COL22A1: variants seen among roughly 807,000 people sequenced by gnomAD.
COL22A1 encodes the protein collagen type XXII alpha 1 chain.
A neutral mutation model predicts 248.9 loss-of-function variants in COL22A1; 221 were observed. The observed-to-expected ratio is 0.89, with a 90% CI of 0.80 to 0.99. The LOEUF (loss-of-function observed/expected upper bound fraction) is 0.99. COL22A1 is among the 50% of genes least tolerant of loss of function. COL22A1 has a pLI of 0.00. For synonymous variants in COL22A1, 891 were observed against 793.4 expected (o/e 1.12, Z -2.07); for missense variants, 2,240 against 2,179.0 (o/e 1.03, Z -0.56).
intron 4 of COL22A1, among the ~76,000 whole-genome samples, chr8:138,842,897 TTTA>T (rs888519397): frequency 6.6e-6 from 1 of 151,996 alleles, no homozygotes; most frequent in Non-Finnish European, 1.5e-5. Context: ...GTGCCAGTAG[TTTA>T]TTGGAGAGGT....
intron 3 of COL22A1, among the ~76,000 whole-genome samples, chr8:138,877,013 G>C (rs1044264204): frequency 2.0e-5 from 3 of 152,218 alleles, no homozygotes; most frequent in African/African-American, 7.2e-5. Context: ...CATCCTTCCT[G>C]TCCTGGGGAG....
At chr8:138,799,305 G>T (rs192060945) in intron 11 of COL22A1, among the ~76,000 whole-genome samples, 42 of 152,156 alleles carry the variant, frequency 2.8e-4, no homozygotes, top group African/African-American at 8.2e-4. Flanking sequence ...TGTTAAATCC[G>T]ATATTTGTAT....
At chr8:138,679,773 A>C in intron 39 of COL22A1, 97 bp from the exon 40 acceptor site, 1 of 1,076,062 alleles carries the variant, frequency 9.3e-7, no homozygotes, top group East Asian at 2.4e-5. Context: ...GGATCTATGC[A>C]TCTCTGTATC....
At chr8:138,722,205 G>A (rs1195654656) in intron 25 of COL22A1, 116 bp from the exon 26 acceptor site, 11 of 815,472 alleles carry the variant, frequency 1.3e-5, no homozygotes, top group South Asian at 1.8e-5. Flanking sequence ...AGGCTCGGGC[G>A]TCTGCTCTTT....
In COL22A1 at chr8:138,616,959, C is replaced by A. The variant is rs1168565294; in HGVS notation, c.3826-1G>T. On this transcript the variant is annotated splice_acceptor_variant, in intron 53 of 64. Transcript: ENST00000303045. LOFTEE classifies it high-confidence loss of function. The stretch of plus-strand genomic sequence containing the variant: ...AATCGCCTGTGTGTCCCTTGAAGCC[C>A]TAGAAGGAAGAGAATGGAGTTATTC... The A allele has an allele frequency of 1.2e-6, 2 of 1,614,204 alleles. No homozygotes were observed. The highest frequency in any genetic ancestry group is 1.7e-5 in the Admixed American group (1 of 60,026).
At position 138,847,740 on chromosome 8, in the gene COL22A1, TAGG is replaced by T. The variant is rs1821349859; in HGVS notation, c.659-3585_659-3583del. On this transcript the variant is annotated intron_variant, in intron 3 of 64. Coordinates refer to ENST00000303045, the MANE Select transcript of COL22A1 (RefSeq NM_152888.3). Reference sequence around the variant, plus strand: ...GAAACATAATGTTTGGGGGACTGTCTAGGAGAATGGAGGAAATATCAAACAAGC... The same window carrying T: ...GAAACATAATGTTTGGGGGACTGTCTAGAATGGAGGAAATATCAAACAAGC... Among the ~76,000 whole-genome samples the T allele has an allele frequency of 2.0e-5, 3 of 151,534 alleles. No individual in the cohort carries two copies. In the South Asian group the frequency reaches 6.2e-4, roughly 32 times the overall value.
At chr8:138,908,066 A>G (rs1041954445) in intron 1 of COL22A1, among the ~76,000 whole-genome samples, 2 of 152,178 alleles carry the variant, frequency 1.3e-5, no homozygotes, top group Admixed American at 1.3e-4. Context: ...ACAAAGGCTC[A>G]TTCATGCCAT....
chr8:138,635,259 A>C (rs556617583), intron 48 of COL22A1, among the ~76,000 whole-genome samples, 196 bp from the exon 49 acceptor site: 1 of 152,316 alleles, frequency 6.6e-6, no homozygotes, highest in South Asian at 2.1e-4. Context: ...AAAAACAAAC[A>C]TGTCCTGAAA....
At chr8:138,819,594 CAT>C (rs1227401899) in intron 7 of COL22A1, among the ~76,000 whole-genome samples, 3 of 147,690 alleles carry the variant, frequency 2.0e-5, no homozygotes, top group Non-Finnish European at 3.0e-5. Context: ...ATAATGTTCA[CAT>C]GTTTATATAT....
chr8:138,676,729 TGCA>T, intron 40 of COL22A1, 94 bp from the exon 41 acceptor site: 2 of 949,248 alleles, frequency 2.1e-6, no homozygotes, highest in Non-Finnish European at 3.2e-6. Flanking sequence ...GAATCCTGAC[TGCA>T]GGCTTCTCCT....
chr8:138,614,030 C>T (rs1819116337), intron 55 of COL22A1, 110 bp from the exon 56 acceptor site: 1 of 818,066 alleles, frequency 1.2e-6, no homozygotes, highest in South Asian at 1.5e-5. Context: ...AAGGAACCAA[C>T]AAATTGTCCA....
At chr8:138,682,785 C>T (rs6983531) in intron 39 of COL22A1, among the ~76,000 whole-genome samples, 149,423 of 152,264 alleles carry the variant, frequency 0.98, 73,376 homozygotes, top group East Asian at 1. Context: ...CTGCAACCTC[C>T]GCCTCCTGAG....
At chr8:138,910,005 G>T (rs1003283762) in intron 1 of COL22A1, among the ~76,000 whole-genome samples, 8 of 152,194 alleles carry the variant, frequency 5.3e-5, no homozygotes, top group African/African-American at 1.9e-4. Context: ...GCAGCAGCAG[G>T]CAGGGACTGG....
rs776446050 is a variant in COL22A1 at position 138,751,442 on chromosome 8, AAG to A, written c.2085+14_2085+15del. On this transcript the variant is annotated intron_variant, in intron 22 of 64. Coordinates refer to ENST00000303045, the MANE Select transcript of COL22A1 (RefSeq NM_152888.3). ...GGGTGAGCTGAGGAATCACAAAGAAAAGAGAGTTTACTTACTCGGAGACCTTG... is the reference window on the plus strand; with the variant it reads ...GGGTGAGCTGAGGAATCACAAAGAAAAGAGTTTACTTACTCGGAGACCTTG... 15 of 1,599,826 alleles carry A rather than the reference AAG, an allele frequency of 9.4e-6. No homozygotes were observed. The highest frequency in any genetic ancestry group is 1.1e-5 in the South Asian group (1 of 89,584).
chr8:138,609,442 A>G (rs1818685763), intron 56 of COL22A1, among the ~76,000 whole-genome samples: 2 of 152,162 alleles, frequency 1.3e-5, no homozygotes, highest in Non-Finnish European at 2.9e-5. Flanking sequence ...GGAATCATGC[A>G]GCACAGACGT....
intron 2 of COL22A1, among the ~76,000 whole-genome samples, chr8:138,879,712 A>AAAG (rs1554652803): frequency 0.065 from 5,314 of 82,296 alleles, 557 homozygotes; most frequent in East Asian, 0.13. Flanking sequence ...AAAAAAAAAA[A>AAAG]AAGAAGAAGA....
At chr8:138,591,331 G>T in intron 64 of COL22A1, 93 bp downstream of exon 64, 2 of 760,070 alleles carry the variant, frequency 2.6e-6, no homozygotes, top group Non-Finnish European at 4.0e-6. Context: ...CCTCCTCTCC[G>T]CTCACTGCTG....
chr8:138,831,302 C>T (rs911571290), intron 5 of COL22A1, among the ~76,000 whole-genome samples: 1 of 152,190 alleles, frequency 6.6e-6, no homozygotes, highest in Admixed American at 6.5e-5. Context: ...TCCTTACGGG[C>T]TGTTGACTCA....
chr8:138,843,987 G>A, intron 4 of COL22A1, 97 bp downstream of exon 4: 1 of 1,023,266 alleles, frequency 9.8e-7, no homozygotes, highest in Non-Finnish European at 1.6e-6. Context: ...AACAAGAACA[G>A]GGTCAGTGAG....
Sources: allele counts gnomAD v4.1 joint callset (sites outside exome capture counted in the v4.1 genomes callset), GRCh38; gene constraint gnomAD v4.1.1; transcripts MANE v1.5; gene names NCBI Gene and HGNC (gene_info 2026-07-23, HGNC 2026-07-21).